The following CAST variants were observed in gnomAD, a reference collection of about 807,000 sequenced individuals.
CAST encodes the protein MIR583 host.
Under a neutral mutation model 119.6 loss-of-function variants are expected in CAST, and 76 were observed. The observed-to-expected ratio is 0.64, with a 90% CI of 0.53 to 0.77. The LOEUF is 0.77. CAST is among the 30% of genes least tolerant of loss of function. CAST has a pLI of 0.00. For missense variants in CAST, 953 were observed against 946.5 expected (o/e 1.01, Z -0.09); for synonymous variants, 319 against 331.6 (o/e 0.96, Z 0.41).
chr5:96,358,509 G>C, the CAST span, among the ~76,000 whole-genome samples: 1,766 of 152,070 alleles, frequency 0.012, 32 homozygotes, highest in African/African-American at 0.04. Context: ...TAGCTGTGTC[G>C]CAGAGATTCT....
the CAST span, among the ~76,000 whole-genome samples, chr5:96,367,496 T>C: frequency 5.1e-3 from 777 of 151,298 alleles, 13 homozygotes; most frequent in African/African-American, 0.018. Flanking sequence ...TGGGCTGCTT[T>C]GTTTACCTAC....
chr5:96,274,994 A>T, the CAST span, among the ~76,000 whole-genome samples: 5 of 152,296 alleles, frequency 3.3e-5, no homozygotes, highest in East Asian at 9.6e-4. Context: ...AACAATTTAT[A>T]CTTTGAGGAA....
the CAST span, among the ~76,000 whole-genome samples, chr5:96,443,565 A>G: frequency 6.6e-6 from 1 of 152,232 alleles, no homozygotes; most frequent in African/African-American, 2.4e-5. Context: ...ATGTTTTGTA[A>G]TCACCGAATT....
chr5:96,352,506 C>T, the CAST span, among the ~76,000 whole-genome samples: 1 of 152,136 alleles, frequency 6.6e-6, no homozygotes, highest in Non-Finnish European at 1.5e-5. Flanking sequence ...TCTTGGCATC[C>T]ATGATTCAGT....
the CAST span, among the ~76,000 whole-genome samples, chr5:96,320,228 CTTTTT>C: frequency 1.0e-5 from 1 of 97,360 alleles, no homozygotes; most frequent in Non-Finnish European, 2.1e-5. Flanking sequence ...AAGGCTTTTG[CTTTTT>C]TTTTTTTTTT....
At chr5:96,086,059 A>G in the CAST span, among the ~76,000 whole-genome samples, 45 of 152,352 alleles carry the variant, frequency 3.0e-4, no homozygotes, top group Non-Finnish European at 1.5e-5. Context: ...TAGTATTTAT[A>G]TATGACCTAT....
chr5:96,541,239 T>G (rs1007836484), intron 1 of CAST, among the ~76,000 whole-genome samples: 4 of 152,226 alleles, frequency 2.6e-5, no homozygotes, highest in African/African-American at 9.6e-5. Flanking sequence ...TACTACTTTA[T>G]TTTTTGCTCA....
At chr5:96,081,855 A>G in the CAST span, among the ~76,000 whole-genome samples, 2 of 152,204 alleles carry the variant, frequency 1.3e-5, no homozygotes, top group Non-Finnish European at 1.5e-5. Context: ...TCCATTGTAA[A>G]TGATTTCTTG....
chr5:96,729,520 C>A (rs1304966150), intron 7 of CAST, 92 bp from the exon 8 acceptor site: 2 of 673,430 alleles, frequency 3.0e-6, no homozygotes, highest in Admixed American at 5.0e-5. Context: ...AATTTTTATT[C>A]TATAGAGAAA....
the CAST span, among the ~76,000 whole-genome samples, chr5:95,995,111 A>G: frequency 6.0e-5 from 9 of 151,160 alleles, no homozygotes; most frequent in Admixed American, 5.9e-4. Flanking sequence ...CCTGACTAAG[A>G]TAATTGATGT....
the CAST span, among the ~76,000 whole-genome samples, chr5:96,504,508 G>A: frequency 6.7e-6 from 1 of 149,658 alleles, no homozygotes; most frequent in Non-Finnish European, 1.5e-5. Flanking sequence ...CAAGGAAATC[G>A]TTTGTGCTTA....
At chr5:96,584,286 G>A (rs1746816126) in intron 1 of CAST, among the ~76,000 whole-genome samples, 1 of 152,216 alleles carries the variant, frequency 6.6e-6, no homozygotes, top group African/African-American at 2.4e-5. Context: ...TGATCTGACA[G>A]GGGACAGAGC....
At chr5:96,240,248 C>G in the CAST span, among the ~76,000 whole-genome samples, 4 of 152,272 alleles carry the variant, frequency 2.6e-5, no homozygotes, top group African/African-American at 9.6e-5. Context: ...CAGCTTTCTG[C>G]TATTAAGCTT....
At chr5:96,126,847 C>T in the CAST span, among the ~76,000 whole-genome samples, 177 of 152,168 alleles carry the variant, frequency 1.2e-3, no homozygotes, top group Middle Eastern at 6.8e-3. Flanking sequence ...GTTAAGATCA[C>T]AAAATTATGA....
Position 96,726,104 on chromosome 5 carries a change from A to T in CAST, c.271-690A>T, listed in dbSNP as rs550837939. ...AGTTTGTGCTGATACTACCAAGCAGATAAAAAGGAAAGAAACAGCAGGAAG... is the reference window on the plus strand; with the variant it reads ...AGTTTGTGCTGATACTACCAAGCAGTTAAAAAGGAAAGAAACAGCAGGAAG... On this transcript the variant is annotated intron_variant, in intron 4 of 31. Transcript: ENST00000675179. Among the ~76,000 whole-genome samples, 6 of 152,342 alleles carry T rather than the reference A, an allele frequency of 3.9e-5. No homozygotes were observed. The East Asian group carries it at 7.7e-4, about 20-fold the overall frequency.
the CAST span, among the ~76,000 whole-genome samples, chr5:96,212,587 A>G: frequency 0.13 from 19,372 of 152,068 alleles, 1,771 homozygotes; most frequent in African/African-American, 0.23. Context: ...ATAAATGTCA[A>G]TTAGATCCTA....
At position 96,670,672 on chromosome 5, in the gene CAST, AT is replaced by A. The variant is rs1749949134; in HGVS notation, c.76-4862del. Among the ~76,000 whole-genome samples, 3 of 152,022 alleles carry A rather than the reference AT, an allele frequency of 2.0e-5. No individual in the cohort carries two copies. The South Asian group carries it at 6.2e-4, about 32-fold the overall frequency. On this transcript the variant is annotated intron_variant, in intron 1 of 31. Transcript: ENST00000675179. ...ACCACCATGCCCAGCTAATTTTTGT[AT>A]TTTTAGTAGAGACAGGGTTTTACCA...
chr5:96,217,500 A>C, the CAST span, among the ~76,000 whole-genome samples: 1 of 152,114 alleles, frequency 6.6e-6, no homozygotes. Flanking sequence ...GTGGTAAGGT[A>C]CCAGCCATTT....
the CAST span, among the ~76,000 whole-genome samples, chr5:96,291,843 C>CGTGTGT: frequency 0.081 from 10,761 of 132,906 alleles, 392 homozygotes; most frequent in Middle Eastern, 0.13. Flanking sequence ...TCCCAGTCTG[C>CGTGTGT]GTGTGTGTGT....
Sources: allele counts gnomAD v4.1 joint callset (sites outside exome capture counted in the v4.1 genomes callset), GRCh38; gene constraint gnomAD v4.1.1; transcripts MANE v1.5; gene names NCBI Gene and HGNC (gene_info 2026-07-23, HGNC 2026-07-21).